GPA33: variants seen among roughly 807,000 people sequenced by gnomAD.
GPA33 encodes the protein cell surface A33 antigen.
A neutral mutation model predicts 35.6 loss-of-function variants in GPA33; 27 were observed. The observed-to-expected ratio is 0.76, with a 90% CI of 0.56 to 1.04. The LOEUF (loss-of-function observed/expected upper bound fraction) is 1.04. Ranked by LOEUF, GPA33 falls within the 50% of genes least tolerant of loss-of-function variation. The pLI, the probability that GPA33 is intolerant of heterozygous loss-of-function variation, is 0.00. For missense variants in GPA33, 428 were observed against 411.9 expected, an observed-to-expected ratio of 1.04 and a Z score of -0.34; for synonymous variants, 176 against 164.0, an observed-to-expected ratio of 1.07 and a Z score of -0.56.
chr1:167,076,605 A>G (rs1447017895), intron 1 of GPA33, among the ~76,000 whole-genome samples: 2 of 152,180 alleles, frequency 1.3e-5, no homozygotes, highest in African/African-American at 4.8e-5. Context: ...GGTGAAAGTC[A>G]GCCACCCTCC....
intron 3 of GPA33, among the ~76,000 whole-genome samples, chr1:167,064,214 G>A (rs147404033): frequency 6.6e-6 from 1 of 152,098 alleles, no homozygotes; most frequent in South Asian, 2.1e-4. Flanking sequence ...AATCTGGGAG[G>A]CGGAGGTTGC....
At chr1:167,079,590 A>G (rs879369927) in intron 1 of GPA33, among the ~76,000 whole-genome samples, 1 of 152,330 alleles carries the variant, frequency 6.6e-6, no homozygotes, top group South Asian at 2.1e-4. Flanking sequence ...TAAAAAGCTC[A>G]TCCTGTGCCC....
At chr1:167,058,904 T>G (rs1230806922) in intron 4 of GPA33, among the ~76,000 whole-genome samples, 1 of 152,198 alleles carries the variant, frequency 6.6e-6, no homozygotes, top group African/African-American at 2.4e-5. Flanking sequence ...TTGTTATTTT[T>G]AAGAGGCATC....
rs747496437 is a variant in GPA33, at chr1:167,054,019, G to A, written c.*315C>T. The A allele has an allele frequency of 2.3e-5, 9 of 383,930 alleles. No individual in the cohort carries two copies. The highest frequency in any genetic ancestry group is 1.2e-4 in the African/African-American group (6 of 48,454). 23.8% of individuals were successfully genotyped at this position (383,930 alleles called of 1,614,324 possible). A position where few individuals can be genotyped will look rare whatever the true frequency, so the allele number is the denominator to read the frequency against. ...TGAGTGGGAGCGCCCCATGCTCAGC[G>A]CTGTGCTTCCAGGAGCTCCTGCCAA... On this transcript the variant is annotated 3_prime_UTR_variant, in exon 7 of 7. Coordinates refer to ENST00000367868, the MANE Select transcript of GPA33 (RefSeq NM_005814.3).
At chr1:167,056,669 G>A in intron 4 of GPA33, among the ~76,000 whole-genome samples, 1 of 149,596 alleles carries the variant, frequency 6.7e-6, no homozygotes, top group South Asian at 2.1e-4. Context: ...TACGGTGAGT[G>A]TGTGATGTGT....
intron 4 of GPA33, among the ~76,000 whole-genome samples, chr1:167,057,416 C>T (rs1346218853): frequency 6.6e-6 from 1 of 152,136 alleles, no homozygotes; most frequent in Non-Finnish European, 1.5e-5. Context: ...TTGCCTGATC[C>T]CTGCTGCCAC....
At chr1:167,065,456 G>T (rs1666570415) in intron 3 of GPA33, among the ~76,000 whole-genome samples, 1 of 152,200 alleles carries the variant, frequency 6.6e-6, no homozygotes, top group South Asian at 2.1e-4. Flanking sequence ...AGTGGAGAGG[G>T]TTGCTCCTGG....
intron 2 of GPA33, among the ~76,000 whole-genome samples, chr1:167,070,146 A>G (rs749076266): frequency 6.6e-6 from 1 of 152,164 alleles, no homozygotes; most frequent in South Asian, 2.1e-4. Flanking sequence ...TAAGTGTTGG[A>G]GTAGGATAAA....
intron 2 of GPA33, among the ~76,000 whole-genome samples, chr1:167,069,709 A>G (rs74119585): frequency 0.016 from 2,510 of 152,338 alleles, 59 homozygotes; most frequent in African/African-American, 0.056. Context: ...GCCATGTACT[A>G]ATTGTATGAC....
In GPA33 at chr1:167,081,249, G is replaced by T. The variant is rs185858721; in HGVS notation, c.44-7710C>A. Among the ~76,000 whole-genome samples the T allele has an allele frequency of 2.6e-5, 4 of 152,350 alleles. No individual in the cohort carries two copies. The East Asian group carries it at 7.7e-4, about 29-fold the overall frequency. On this transcript the variant is annotated intron_variant, in intron 1 of 6. Transcript: ENST00000367868. Reference sequence around the variant, plus strand: ...ACATTATGTGAGCCCTTGGGAAACTGGCAGTAATGCCTCCACTTGGGAAAA... The same window carrying T: ...ACATTATGTGAGCCCTTGGGAAACTTGCAGTAATGCCTCCACTTGGGAAAA...
At chr1:167,081,973 A>G (rs956357044) in intron 1 of GPA33, among the ~76,000 whole-genome samples, 4 of 152,202 alleles carry the variant, frequency 2.6e-5, no homozygotes, top group African/African-American at 7.2e-5. Context: ...ATAGAGCCCA[A>G]TTAAGTGTTA....
intron 3 of GPA33, among the ~76,000 whole-genome samples, chr1:167,065,498 G>A (rs1284072230): frequency 1.3e-5 from 2 of 152,190 alleles, no homozygotes; most frequent in Non-Finnish European, 2.9e-5. Context: ...TCTCCTCTGC[G>A]TCTTTCTTTT....
chr1:167,075,280 A>G (rs1431369576), intron 1 of GPA33, among the ~76,000 whole-genome samples: 1 of 152,170 alleles, frequency 6.6e-6, no homozygotes, highest in African/African-American at 2.4e-5. Context: ...GAATGGAAGC[A>G]AGGAAATCAG....
intron 4 of GPA33, 108 bp downstream of exon 4, chr1:167,063,474 G>A (rs1385210549): frequency 1.2e-5 from 11 of 888,260 alleles, no homozygotes; most frequent in Admixed American, 2.3e-5. Flanking sequence ...GGAAGCAAGC[G>A]GCCTTCAGGG....
Position 167,090,314 on chromosome 1 carries a change from C to T in GPA33, c.-27G>A, listed in dbSNP as rs780674813. On this transcript the variant is annotated 5_prime_UTR_variant, in exon 1 of 7. Transcript: ENST00000367868. ...GTCTTGCTTCTTCTCTGCCCTAAAC[C>T]TAACCTGTCACTGGCAGCCTCCAGA... 6.2e-7 allele frequency: 1 copy of T among 1,606,016 alleles called. No individual in the cohort carries two copies. Among genetic ancestry groups the T allele is most frequent in the Non-Finnish European group, 8.5e-7 (1 of 1,172,778 alleles).
At chr1:167,073,955 T>C (rs1301428533) in intron 1 of GPA33, among the ~76,000 whole-genome samples, 1 of 152,084 alleles carries the variant, frequency 6.6e-6, no homozygotes, top group Admixed American at 6.5e-5. Context: ...TCAATAAACA[T>C]TACCTGCCAT....
At chr1:167,056,906 AT>A (rs1666317116) in intron 4 of GPA33, among the ~76,000 whole-genome samples, 3 of 86,112 alleles carry the variant, frequency 3.5e-5, no homozygotes, top group East Asian at 3.7e-4. Context: ...TGTGTGCTGC[AT>A]GTGGTGTGTG....
chr1:167,056,825 G>A (rs2102168179), intron 4 of GPA33, among the ~76,000 whole-genome samples: 7 of 4,134 alleles, frequency 1.7e-3, no homozygotes, highest in Middle Eastern at 0.045. Flanking sequence ...GGCAGCGTTT[G>A]TAGTGTGTGT....
chr1:167,086,429 C>T (rs1667050564), intron 1 of GPA33, among the ~76,000 whole-genome samples: 1 of 152,330 alleles, frequency 6.6e-6, no homozygotes, highest in East Asian at 1.9e-4. Context: ...GCCCCTAAAC[C>T]ACATATCTTA....
Sources: gnomAD v4.1 joint callset for allele counts (sites outside exome capture counted in the v4.1 genomes callset) on GRCh38, gnomAD v4.1.1 for gene constraint, MANE v1.5 for transcripts, NCBI Gene and HGNC (gene_info 2026-07-23, HGNC 2026-07-21) for gene names.